Variants in DTWD2 observed in about 807,000 individuals in gnomAD.
The protein encoded by DTWD2 is DTW motif tRNA-uridine aminocarboxypropyltransferase 2, also known as tRNA-uridine aminocarboxypropyltransferase 2.
DTWD2 carries 39 observed loss-of-function variants against 31.8 expected under a neutral mutation model. The observed-to-expected ratio is 1.22, with a 90% CI of 0.95 to 1.60. The LOEUF (loss-of-function observed/expected upper bound fraction) is 1.60, where lower values mean the gene tolerates loss of function less well. Among genes scored for constraint, DTWD2 ranks in the 40% most tolerant of loss-of-function variants. The pLI is 0.00. For missense variants in DTWD2, 515 were observed against 381.5 expected (o/e 1.35, Z -2.92); for synonymous variants, 180 against 142.8 (o/e 1.26, Z -1.86).
chr5:118,844,448 C>A (rs1338861277), intron 5 of DTWD2, among the ~76,000 whole-genome samples: 1 of 152,152 alleles, frequency 6.6e-6, no homozygotes, highest in Non-Finnish European at 1.5e-5. Context: ...TTCAGACTTT[C>A]TTTTGCCAAT....
chr5:118,924,753 T>A (rs568412741), intron 4 of DTWD2, among the ~76,000 whole-genome samples: 1 of 152,244 alleles, frequency 6.6e-6, no homozygotes, highest in East Asian at 1.9e-4. Flanking sequence ...AGAAACAGTA[T>A]ACCACTGTGG....
intron 1 of DTWD2, among the ~76,000 whole-genome samples, chr5:118,985,488 TTTTA>T (rs1554072582): frequency 0.079 from 2,154 of 27,126 alleles, 79 homozygotes; most frequent in African/African-American, 0.14. Flanking sequence ...TTATGTGCAT[TTTTA>T]TATATATATA....
intron 1 of DTWD2, among the ~76,000 whole-genome samples, chr5:118,953,907 A>G (rs1167582470): frequency 6.6e-6 from 1 of 152,182 alleles, no homozygotes; most frequent in Non-Finnish European, 1.5e-5. Flanking sequence ...TCTGCCTGGT[A>G]TCTTATCCCA....
chr5:118,965,767 C>T (rs1026942260), intron 1 of DTWD2, among the ~76,000 whole-genome samples: 5 of 152,104 alleles, frequency 3.3e-5, no homozygotes, highest in Non-Finnish European at 1.5e-5. Flanking sequence ...TCACCACTCC[C>T]TAATCTCAAG....
intron 1 of DTWD2, among the ~76,000 whole-genome samples, chr5:118,965,645 C>A (rs1407328657): frequency 6.6e-6 from 1 of 152,066 alleles, no homozygotes; most frequent in Non-Finnish European, 1.5e-5. Context: ...ACCCCCAACC[C>A]GGTGCTCTCT....
At chr5:118,898,573 C>A (rs992453166) in intron 4 of DTWD2, among the ~76,000 whole-genome samples, 1 of 149,808 alleles carries the variant, frequency 6.7e-6, no homozygotes, top group Non-Finnish European at 1.5e-5. Context: ...GCAAGAGAAT[C>A]GCTTGAACCT....
chr5:118,984,354 T>C (rs1755373434), intron 1 of DTWD2, among the ~76,000 whole-genome samples: 1 of 150,652 alleles, frequency 6.6e-6, no homozygotes, highest in East Asian at 2.0e-4. Context: ...CCAGCTACTC[T>C]GGAGGCTGAA....
intron 2 of DTWD2, 110 bp from the exon 3 acceptor site, chr5:118,939,400 CT>C (rs1377147132): frequency 3.1e-6 from 3 of 971,586 alleles, no homozygotes; most frequent in Admixed American, 7.2e-5. Flanking sequence ...TTTCACAAGT[CT>C]TTTACTAAAG....
At chr5:118,919,262 G>T (rs1456134461) in intron 4 of DTWD2, among the ~76,000 whole-genome samples, 1 of 152,202 alleles carries the variant, frequency 6.6e-6, no homozygotes, top group Non-Finnish European at 1.5e-5. Context: ...ATCAAATGCA[G>T]AGCTTACATA....
At chr5:118,899,288 A>G (rs539527649) in intron 4 of DTWD2, among the ~76,000 whole-genome samples, 62 of 152,368 alleles carry the variant, frequency 4.1e-4, no homozygotes, top group African/African-American at 8.7e-4. Context: ...GCTATTGGGC[A>G]TAAGTTCAAT....
At chr5:118,939,793 G>C (rs187406621) in intron 2 of DTWD2, among the ~76,000 whole-genome samples, 93 of 152,190 alleles carry the variant, frequency 6.1e-4, no homozygotes, top group Admixed American at 3.3e-3. Context: ...GTATGTCAAA[G>C]GGACACAGAA....
At chr5:118,929,959 T>G (rs1390943946) in intron 3 of DTWD2, among the ~76,000 whole-genome samples, 1 of 152,206 alleles carries the variant, frequency 6.6e-6, no homozygotes, top group African/African-American at 2.4e-5. Flanking sequence ...AGGCCTCCTC[T>G]TCTCCCCGTC....
At chr5:118,843,680 T>C (rs532646557) in intron 5 of DTWD2, among the ~76,000 whole-genome samples, 1 of 152,342 alleles carries the variant, frequency 6.6e-6, no homozygotes, top group African/African-American at 2.4e-5. Context: ...CTCATATTCT[T>C]ATGGTCAAAA....
intron 1 of DTWD2, among the ~76,000 whole-genome samples, chr5:118,946,456 G>T (rs1161490266): frequency 6.6e-6 from 1 of 152,014 alleles, no homozygotes; most frequent in Non-Finnish European, 1.5e-5. Context: ...AACAGGATGA[G>T]GTACATTCAA....
chr5:118,960,960 T>C (rs943083380), intron 1 of DTWD2, among the ~76,000 whole-genome samples: 1 of 151,924 alleles, frequency 6.6e-6, no homozygotes, highest in African/African-American at 2.4e-5. Flanking sequence ...GATCAAAAAA[T>C]TACCTAGTAG....
At chr5:118,976,395 C>T (rs1755160596) in intron 1 of DTWD2, among the ~76,000 whole-genome samples, 1 of 152,138 alleles carries the variant, frequency 6.6e-6, no homozygotes, top group African/African-American at 2.4e-5. Context: ...ATCTATGACT[C>T]CAGGAGCTGG....
chr5:118,948,088 G>T (rs543653297), intron 1 of DTWD2, among the ~76,000 whole-genome samples: 1 of 152,072 alleles, frequency 6.6e-6, no homozygotes, highest in Non-Finnish European at 1.5e-5. Flanking sequence ...ATGTTATTGG[G>T]GCAACATAGA....
At chr5:118,898,487 G>A (rs891248666) in intron 4 of DTWD2, among the ~76,000 whole-genome samples, 8 of 150,612 alleles carry the variant, frequency 5.3e-5, no homozygotes, top group Non-Finnish European at 1.2e-4. Context: ...GTGAAACCCC[G>A]TCGCTACTGA....
chr5:118,964,217 C>CA (rs34712667), intron 1 of DTWD2, among the ~76,000 whole-genome samples: 1,909 of 84,610 alleles, frequency 0.023, 36 homozygotes, highest in African/African-American at 0.059. Context: ...GACTCCATCT[C>CA]AAAAAAAAAA....
Sources: allele counts gnomAD v4.1 joint callset (sites outside exome capture counted in the v4.1 genomes callset), GRCh38; gene constraint gnomAD v4.1.1; transcripts MANE v1.5; gene names NCBI Gene and HGNC (gene_info 2026-07-23, HGNC 2026-07-21).